CEP63: variants seen among roughly 807,000 people sequenced by gnomAD.
CEP63 encodes centrosomal protein of 63 kDa.
In CEP63, 84 loss-of-function variants were observed where a neutral mutation model predicts 89.1. The ratio of observed to expected loss-of-function variants is 0.94; its 90% CI spans 0.79 to 1.13. CEP63 has a LOEUF of 1.13. Among genes scored for constraint, CEP63 ranks in the 50% most tolerant of loss-of-function variants. The pLI is 0.00. For synonymous variants in CEP63, 267 were observed against 272.5 expected (o/e 0.98, Z 0.20); for missense variants, 838 against 813.3 (o/e 1.03, Z -0.37).
At chr3:134,661,816 C>T in the CEP63 span, among the ~76,000 whole-genome samples, 1 of 151,270 alleles carries the variant, frequency 6.6e-6, no homozygotes, top group Non-Finnish European at 1.5e-5. Flanking sequence ...TGCCCCCCCC[C>T]TCAAATTCAT....
chr3:134,621,745 G>A, the CEP63 span, among the ~76,000 whole-genome samples: 6 of 152,110 alleles, frequency 3.9e-5, no homozygotes, highest in African/African-American at 1.2e-4. Flanking sequence ...AAATTTCTGT[G>A]CATTAAAGGA....
At chr3:134,692,890 G>C in the CEP63 span, among the ~76,000 whole-genome samples, 2 of 152,278 alleles carry the variant, frequency 1.3e-5, no homozygotes, top group African/African-American at 4.8e-5. Flanking sequence ...GGGTTAGCCT[G>C]GCATTCCCGC....
intron 3 of CEP63, among the ~76,000 whole-genome samples, chr3:134,512,915 T>C (rs544024541): frequency 1.3e-5 from 2 of 152,248 alleles, no homozygotes; most frequent in Admixed American, 1.3e-4. Flanking sequence ...CTTTTTTGTT[T>C]TCCTGGAAAT....
the CEP63 span, chr3:134,651,018 C>T: frequency 6.2e-7 from 1 of 1,608,370 alleles, no homozygotes. Context: ...GCTTGCGCTG[C>T]AAATGGCCCC....
chr3:134,644,115 G>T, the CEP63 span, among the ~76,000 whole-genome samples: 4 of 152,158 alleles, frequency 2.6e-5, no homozygotes, highest in African/African-American at 9.7e-5. Context: ...GTGAGCCACC[G>T]CGCCCGGCCG....
At position 134,559,500 on chromosome 3, in the gene CEP63, G is replaced by A; in HGVS notation, c.1953+71G>A. 3 of 1,336,536 alleles carry A rather than the reference G, an allele frequency of 2.2e-6. 1 individual carries two copies. In the Middle Eastern group the frequency reaches 6.3e-4, roughly 281 times the overall value. 82.8% of individuals were successfully genotyped at this position (1,336,536 alleles called of 1,614,324 possible). On this transcript the variant is annotated intron_variant, in intron 14 of 14. Transcript: ENST00000675561. ...TGCTTTGATTTTTTATTTTAAGGGT[G>A]AAGAAGGTGATTTTTTTTTCCTTAC...
chr3:134,603,678 G>A, the CEP63 span: 2 of 1,613,842 alleles, frequency 1.2e-6, no homozygotes, highest in Non-Finnish European at 8.5e-7. Flanking sequence ...CAGCTGTGCT[G>A]CAGCTTCCCT....
At chr3:134,671,644 C>T in the CEP63 span, among the ~76,000 whole-genome samples, 364 of 152,238 alleles carry the variant, frequency 2.4e-3, 3 homozygotes, top group Non-Finnish European at 1.2e-3. Flanking sequence ...TGTGCAAAGA[C>T]ATAGGAAAAT....
At chr3:134,579,406 C>T (rs1958292993), downstream of CEP63, among the ~76,000 whole-genome samples, 1 of 152,206 alleles carries the variant, frequency 6.6e-6, no homozygotes, top group Admixed American at 6.5e-5. Context: ...TCATCAGCAA[C>T]ATTTGAGGGT....
chr3:134,579,971 G>A (rs569300217), downstream of CEP63, among the ~76,000 whole-genome samples: 1 of 152,266 alleles, frequency 6.6e-6, no homozygotes, highest in Non-Finnish European at 1.5e-5. Flanking sequence ...AGGCCAAGGT[G>A]GATCACCTGA....
At chr3:134,777,146 A>C in the CEP63 span, among the ~76,000 whole-genome samples, 1 of 152,262 alleles carries the variant, frequency 6.6e-6, no homozygotes, top group East Asian at 1.9e-4. Context: ...GTGTTAAAAA[A>C]GGCACATGTT....
the CEP63 span, among the ~76,000 whole-genome samples, chr3:134,710,871 A>G: frequency 5.9e-5 from 9 of 151,714 alleles, no homozygotes; most frequent in South Asian, 6.2e-4. Flanking sequence ...ACAGGCGCGC[A>G]CCACCATGCC....
chr3:134,770,100 T>G, the CEP63 span, among the ~76,000 whole-genome samples: 1 of 152,232 alleles, frequency 6.6e-6, no homozygotes, highest in African/African-American at 2.4e-5. Flanking sequence ...GTGGTCTTTG[T>G]CTTTGTGGTC....
the CEP63 span, among the ~76,000 whole-genome samples, chr3:134,675,238 T>C: frequency 1.1e-4 from 16 of 152,178 alleles, no homozygotes; most frequent in African/African-American, 3.4e-4. Context: ...CCCATACATC[T>C]ATGGTCAATT....
At chr3:134,758,417 G>A in the CEP63 span, among the ~76,000 whole-genome samples, 1 of 152,134 alleles carries the variant, frequency 6.6e-6, no homozygotes, top group African/African-American at 2.4e-5. Flanking sequence ...TACTGTGGCT[G>A]TTGTAACAAA....
chr3:134,528,569 CGTGT>C (rs34415967), intron 3 of CEP63, among the ~76,000 whole-genome samples: 8 of 147,022 alleles, frequency 5.4e-5, no homozygotes, highest in Admixed American at 2.0e-4. Context: ...TGTGTGTGTG[CGTGT>C]GTGTGTGTGT....
the CEP63 span, among the ~76,000 whole-genome samples, chr3:134,713,192 C>T: frequency 6.6e-6 from 1 of 152,214 alleles, no homozygotes; most frequent in Non-Finnish European, 1.5e-5. Context: ...TTGGAGCAGC[C>T]ATTCTCCCTC....
At chr3:134,762,075 G>A in the CEP63 span, among the ~76,000 whole-genome samples, 1 of 152,148 alleles carries the variant, frequency 6.6e-6, no homozygotes, top group Non-Finnish European at 1.5e-5. Flanking sequence ...TATATATAGT[G>A]TCTGATGTGT....
chr3:134,777,608 A>ATTT, the CEP63 span, among the ~76,000 whole-genome samples: 185 of 100,172 alleles, frequency 1.8e-3, 4 homozygotes, highest in African/African-American at 4.7e-3. Context: ...AAAGAATAGA[A>ATTT]TTTTTTTTTT....
Sources: allele counts gnomAD v4.1 joint callset (sites outside exome capture counted in the v4.1 genomes callset), GRCh38; gene constraint gnomAD v4.1.1; transcripts MANE v1.5; gene names NCBI Gene and HGNC (gene_info 2026-07-23, HGNC 2026-07-21).